ADAMTSL1: variants seen among roughly 807,000 people sequenced by gnomAD.
ADAMTSL1 encodes ADAMTS like 1.
ADAMTSL1 carries 126 observed loss-of-function variants against 201.8 expected under a neutral mutation model. The ratio of observed to expected loss-of-function variants is 0.62; its 90% CI spans 0.54 to 0.72. The LOEUF is 0.72. ADAMTSL1 is among the 30% of genes least tolerant of loss of function. ADAMTSL1 has a pLI of 0.00. For missense variants in ADAMTSL1, 2,679 were observed against 2,277.8 expected (o/e 1.18, Z -3.59); for synonymous variants, 1,121 against 903.4 (o/e 1.24, Z -4.32).
intron 2 of ADAMTSL1, among the ~76,000 whole-genome samples, chr9:18,406,304 C>CTTTT (rs1818196428): frequency 9.0e-6 from 1 of 111,000 alleles, no homozygotes; most frequent in South Asian, 2.5e-4. Context: ...CTTTTCTTTT[C>CTTTT]TTTTCTTTTC....
intron 4 of ADAMTSL1, among the ~76,000 whole-genome samples, chr9:18,611,391 C>G (rs1825355871): frequency 6.6e-6 from 1 of 152,124 alleles, no homozygotes; most frequent in Admixed American, 6.6e-5. Context: ...TGACCATCTG[C>G]TGAGAATGAA....
At chr9:18,043,827 G>T (rs960818071) in intron 1 of ADAMTSL1, among the ~76,000 whole-genome samples, 2 of 151,756 alleles carry the variant, frequency 1.3e-5, no homozygotes, top group African/African-American at 4.8e-5. Context: ...AATGTATAGG[G>T]AAGGAATGTA....
rs370578002 is a variant in ADAMTSL1, at chr9:18,030,235, T to A, written c.87+123313T>A. Among the ~76,000 whole-genome samples the A allele has an allele frequency of 2.1e-3, 311 of 149,542 alleles. 6 individuals are homozygous for A. In the South Asian group the frequency reaches 0.047, roughly 23 times the overall value. The stretch of plus-strand genomic sequence containing the variant: ...TGCAGCCATAAAAAATGATGAGTTC[T>A]TGTCCTTTGTAGGGACATGGATGAA... On this transcript the variant is annotated intron_variant, in intron 1 of 29. Transcript: ENST00000680146.
intron 13 of ADAMTSL1, among the ~76,000 whole-genome samples, chr9:18,703,639 G>A (rs1832052629): frequency 7.1e-6 from 1 of 141,082 alleles, no homozygotes; most frequent in South Asian, 2.2e-4. Context: ...GATGTTTATT[G>A]TTTTTGCTAT....
At chr9:17,918,436 A>G (rs985810309) in intron 1 of ADAMTSL1, among the ~76,000 whole-genome samples, 4 of 150,662 alleles carry the variant, frequency 2.7e-5, no homozygotes, top group Admixed American at 2.7e-4. Flanking sequence ...ATATTTGGGG[A>G]TTATCTGGGT....
At chr9:18,497,529 C>CA (rs922176014) in intron 1 of ADAMTSL1, among the ~76,000 whole-genome samples, 3 of 151,948 alleles carry the variant, frequency 2.0e-5, no homozygotes, top group African/African-American at 4.8e-5. Context: ...AAATCTCTAT[C>CA]AAAAAAATGC....
In ADAMTSL1 at chr9:18,758,314, C is replaced by T. The variant is rs567836228; in HGVS notation, c.2217+4806C>T. 1.1e-4 allele frequency among the ~76,000 whole-genome samples: 16 copies of T among 152,322 alleles called. No individual in the cohort carries two copies. In the South Asian group the frequency reaches 1.7e-3, roughly 16 times the overall value. ...TAAAATCAGCAGTTTACAGAACACT[C>T]GGTATTTGTTGCCTCTATCCAGGAC... On this transcript the variant is annotated intron_variant, in intron 16 of 28. Coordinates refer to ENST00000380548, the MANE Select transcript of ADAMTSL1 (RefSeq NM_001040272.6).
intron 2 of ADAMTSL1, among the ~76,000 whole-genome samples, chr9:18,424,228 C>T (rs1819094232): frequency 6.6e-6 from 1 of 152,184 alleles, no homozygotes; most frequent in African/African-American, 2.4e-5. Context: ...TCTGATGACC[C>T]TCTCAGCCAA....
At chr9:18,698,344 G>A (rs1174384104) in intron 13 of ADAMTSL1, among the ~76,000 whole-genome samples, 1 of 151,990 alleles carries the variant, frequency 6.6e-6, no homozygotes, top group African/African-American at 2.4e-5. Flanking sequence ...GCAGTGGCAT[G>A]ATGATCTCGG....
At chr9:18,208,459 A>G (rs1177185274) in intron 2 of ADAMTSL1, among the ~76,000 whole-genome samples, 3 of 152,174 alleles carry the variant, frequency 2.0e-5, no homozygotes, top group Admixed American at 1.3e-4. Context: ...ACGGCAACCA[A>G]TGAGTGTCCA....
intron 2 of ADAMTSL1, among the ~76,000 whole-genome samples, chr9:18,373,888 C>T (rs1477308020): frequency 6.6e-6 from 1 of 152,162 alleles, no homozygotes; most frequent in Non-Finnish European, 1.5e-5. Context: ...CCACCTGTAT[C>T]TCCTACCACT....
intron 1 of ADAMTSL1, among the ~76,000 whole-genome samples, chr9:18,064,844 CTT>C (rs1195014588): frequency 6.7e-6 from 1 of 148,918 alleles, no homozygotes. Context: ...CTGGAGATGT[CTT>C]TGAGTCAAGA....
intron 1 of ADAMTSL1, among the ~76,000 whole-genome samples, chr9:18,085,552 ACACAC>A (rs1823720877): frequency 2.0e-5 from 3 of 150,620 alleles, no homozygotes; most frequent in African/African-American, 4.9e-5. Context: ...GTGTATACAT[ACACAC>A]TGTGTGTATA....
intron 5 of ADAMTSL1, among the ~76,000 whole-genome samples, chr9:18,623,833 A>T (rs1206046272): frequency 1.3e-5 from 2 of 152,156 alleles, no homozygotes; most frequent in African/African-American, 4.8e-5. Flanking sequence ...TTCTTTCCAT[A>T]TGTCTCTCTG....
intron 2 of ADAMTSL1, among the ~76,000 whole-genome samples, chr9:18,432,305 A>G (rs1197950674): frequency 6.6e-6 from 1 of 152,218 alleles, no homozygotes; most frequent in African/African-American, 2.4e-5. Context: ...CCTACTAGAG[A>G]GCCCAGCACA....
rs1182140398 is a variant in ADAMTSL1 at position 18,661,917 on chromosome 9, G to T, written c.947-18G>T. The T allele has an allele frequency of 1.6e-5, 26 of 1,606,996 alleles. No individual in the cohort carries two copies. Among genetic ancestry groups the T allele is most frequent in the Non-Finnish European group, 2.2e-5 (26 of 1,177,488 alleles). On this transcript the variant is annotated intron_variant, in intron 8 of 28. Transcript: ENST00000380548. Reference sequence around the variant, plus strand: ...TGGCATGTACATTTAAACTTGCCTGGATGGTTTGATACTACAGGTTATCAG... The same window carrying T: ...TGGCATGTACATTTAAACTTGCCTGTATGGTTTGATACTACAGGTTATCAG...
At chr9:18,317,796 G>C (rs945028028) in intron 2 of ADAMTSL1, among the ~76,000 whole-genome samples, 1 of 152,214 alleles carries the variant, frequency 6.6e-6, no homozygotes, top group Non-Finnish European at 1.5e-5. Context: ...GTTGGGACAA[G>C]ATTGGGATTT....
intron 21 of ADAMTSL1, among the ~76,000 whole-genome samples, chr9:18,822,103 A>G (rs1167907570): frequency 1.3e-5 from 2 of 152,176 alleles, no homozygotes. Flanking sequence ...GTTTTAAGAT[A>G]CAAATAATAC....
chr9:18,513,785 T>C (rs148270740), intron 2 of ADAMTSL1, among the ~76,000 whole-genome samples: 30 of 152,340 alleles, frequency 2.0e-4, no homozygotes, highest in African/African-American at 6.7e-4. Flanking sequence ...TGACTGTGTA[T>C]GTGTGAGTGT....
Sources: gnomAD v4.1 joint callset for allele counts (sites outside exome capture counted in the v4.1 genomes callset) on GRCh38, gnomAD v4.1.1 for gene constraint, MANE v1.5 for transcripts, NCBI Gene and HGNC (gene_info 2026-07-23, HGNC 2026-07-21) for gene names.